CDH12: variants seen among roughly 807,000 people sequenced by gnomAD.
The protein encoded by CDH12 is cadherin 12, also known as cadherin-12.
A neutral mutation model predicts 74.1 loss-of-function variants in CDH12; 41 were observed. That is an observed-to-expected ratio of 0.55 (90% CI 0.43 to 0.72). CDH12 has a LOEUF of 0.72. CDH12 is among the 30% of genes least tolerant of loss of function. The pLI, the probability that CDH12 is intolerant of heterozygous loss-of-function variation, is 0.00. For synonymous variants in CDH12, 399 were observed against 355.0 expected (o/e 1.12, Z -1.39); for missense variants, 945 against 977.2 (o/e 0.97, Z 0.44).
At chr5:21,927,635 G>T (rs998138202) in intron 6 of CDH12, among the ~76,000 whole-genome samples, 2 of 151,994 alleles carry the variant, frequency 1.3e-5, no homozygotes, top group Non-Finnish European at 2.9e-5. Context: ...ATTCATAATA[G>T]TGTTTAGTGT....
intron 1 of CDH12, among the ~76,000 whole-genome samples, chr5:22,694,532 G>T (rs1742247768): frequency 6.6e-6 from 1 of 151,934 alleles, no homozygotes; most frequent in South Asian, 2.1e-4. Context: ...GGCCACATTT[G>T]TTATGTGATT....
chr5:22,478,417 CAAAAAAAAAA>C (rs34576542), intron 2 of CDH12, among the ~76,000 whole-genome samples: 3 of 88,508 alleles, frequency 3.4e-5, no homozygotes, highest in African/African-American at 9.3e-5. Context: ...GACTCCGTCT[CAAAAAAAAAA>C]AAAAAAAAAA....
chr5:21,778,400 A>G (rs1209289791), intron 11 of CDH12, among the ~76,000 whole-genome samples: 1 of 149,000 alleles, frequency 6.7e-6, no homozygotes, highest in Non-Finnish European at 1.5e-5. Context: ...TTCTAGAAAA[A>G]TTAGGTACTC....
chr5:22,043,514 TC>T (rs1250532525), intron 5 of CDH12, among the ~76,000 whole-genome samples: 1 of 152,118 alleles, frequency 6.6e-6, no homozygotes, highest in Non-Finnish European at 1.5e-5. Flanking sequence ...AGAAAGTTTT[TC>T]CATTAAGATA....
intron 13 of CDH12, among the ~76,000 whole-genome samples, chr5:21,759,540 TA>T (rs1319482153): frequency 6.6e-6 from 1 of 152,108 alleles, no homozygotes; most frequent in African/African-American, 2.4e-5. Context: ...TTTTATTTAA[TA>T]AAAAATATTA....
intron 1 of CDH12, among the ~76,000 whole-genome samples, chr5:22,656,677 C>T (rs1001149395): frequency 6.6e-6 from 1 of 152,152 alleles, no homozygotes; most frequent in Non-Finnish European, 1.5e-5. Context: ...TAATTTCACT[C>T]TTAGTACAAA....
chr5:22,540,218 T>C (rs1738040651), intron 1 of CDH12, among the ~76,000 whole-genome samples: 3 of 152,212 alleles, frequency 2.0e-5, no homozygotes, highest in Admixed American at 2.0e-4. Context: ...GTATGTCAGA[T>C]ACATATATAT....
chr5:21,833,070 TAA>T (rs1749190543), intron 8 of CDH12, among the ~76,000 whole-genome samples: 1 of 72,528 alleles, frequency 1.4e-5, no homozygotes, highest in African/African-American at 5.1e-5. Flanking sequence ...ATATAACATA[TAA>T]TATATATTAT....
intron 2 of CDH12, among the ~76,000 whole-genome samples, chr5:22,496,051 C>T (rs1236032786): frequency 1.3e-5 from 2 of 152,142 alleles, no homozygotes; most frequent in Admixed American, 6.5e-5. Flanking sequence ...GCACACGATT[C>T]TTGGACCAAT....
intron 2 of CDH12, among the ~76,000 whole-genome samples, chr5:22,426,609 T>C (rs1311346013): frequency 6.6e-6 from 1 of 152,154 alleles, no homozygotes; most frequent in Non-Finnish European, 1.5e-5. Flanking sequence ...CTGGAGTTAT[T>C]TAGTGTAGCT....
At chr5:22,164,487 G>A (rs947453673) in intron 4 of CDH12, among the ~76,000 whole-genome samples, 1 of 152,168 alleles carries the variant, frequency 6.6e-6, no homozygotes, top group African/African-American at 2.4e-5. Flanking sequence ...CTGTGACGGC[G>A]GCAAAACAGC....
intron 2 of CDH12, among the ~76,000 whole-genome samples, chr5:22,481,079 T>C (rs1206020199): frequency 6.6e-6 from 1 of 152,222 alleles, no homozygotes; most frequent in African/African-American, 2.4e-5. Context: ...CTTATGTTCA[T>C]ATTTGATTAT....
intron 3 of CDH12, among the ~76,000 whole-genome samples, chr5:22,310,640 G>GA (rs1172265406): frequency 2.0e-5 from 3 of 152,024 alleles, no homozygotes; most frequent in Non-Finnish European, 4.4e-5. Flanking sequence ...CTACCCAAAA[G>GA]AAAAAGCCAA....
rs1423259758 is a variant in CDH12 at position 22,053,475 on chromosome 5, T to C, written c.231+24971A>G. Among the ~76,000 whole-genome samples, 4 of 152,192 alleles carry C rather than the reference T, an allele frequency of 2.6e-5. 1 individual carries two copies. The highest frequency in any genetic ancestry group is 4.4e-5 in the Non-Finnish European group (3 of 68,008). ...AGGAAGCATATTAAACACTGTCAAG[T>C]GTTATCCCGGCTATGCAGGTACAGC... On this transcript the variant is annotated intron_variant, in intron 5 of 14. Coordinates refer to ENST00000382254, the MANE Select transcript of CDH12 (RefSeq NM_004061.5).
At chr5:21,993,658 C>T (rs1736099463) in intron 5 of CDH12, among the ~76,000 whole-genome samples, 2 of 152,124 alleles carry the variant, frequency 1.3e-5, no homozygotes, top group South Asian at 2.1e-4. Context: ...GAATTATCTT[C>T]AAAGCTGCTT....
At chr5:22,801,233 C>T (rs1748493153) in intron 1 of CDH12, among the ~76,000 whole-genome samples, 1 of 152,084 alleles carries the variant, frequency 6.6e-6, no homozygotes, top group African/African-American at 2.4e-5. Context: ...GATTTTGCTC[C>T]TTCTAACAGG....
chr5:22,437,084 T>G (rs1324617071), intron 2 of CDH12, among the ~76,000 whole-genome samples: 1 of 152,048 alleles, frequency 6.6e-6, no homozygotes, highest in African/African-American at 2.4e-5. Flanking sequence ...TGAGAACAAT[T>G]GTTCATCATT....
At chr5:22,527,460 C>T (rs1737338363) in intron 1 of CDH12, among the ~76,000 whole-genome samples, 1 of 152,128 alleles carries the variant, frequency 6.6e-6, no homozygotes. Context: ...TAGGAACACA[C>T]TGATGACCTA....
At chr5:21,880,209 T>C (rs1752166455) in intron 6 of CDH12, among the ~76,000 whole-genome samples, 1 of 152,224 alleles carries the variant, frequency 6.6e-6, no homozygotes, top group Non-Finnish European at 1.5e-5. Context: ...CCCTGAATTG[T>C]ACCCTGATGA....
Sources: gnomAD v4.1 joint callset for allele counts (sites outside exome capture counted in the v4.1 genomes callset) on GRCh38, gnomAD v4.1.1 for gene constraint, MANE v1.5 for transcripts, NCBI Gene and HGNC (gene_info 2026-07-23, HGNC 2026-07-21) for gene names.